Variants in HERC4 observed in about 807,000 individuals in gnomAD.
The protein encoded by HERC4 is HECT and RLD domain containing E3 ubiquitin protein ligase 4, also known as probable E3 ubiquitin-protein ligase HERC4.
In HERC4, 28 loss-of-function variants were observed where a neutral mutation model predicts 124.3. The ratio of observed to expected loss-of-function variants is 0.23; its 90% CI spans 0.17 to 0.31. The LOEUF (loss-of-function observed/expected upper bound fraction) is 0.31, where lower values mean the gene tolerates loss of function less well. Ranked by LOEUF, HERC4 falls within the 10% of genes least tolerant of loss-of-function variation. HERC4 has a pLI of 1.00. For synonymous variants in HERC4, 407 were observed against 421.5 expected (o/e 0.97, Z 0.42); for missense variants, 713 against 1,229.3 (o/e 0.58, Z 6.28).
intron 3 of HERC4, among the ~76,000 whole-genome samples, chr10:68,052,550 C>A (rs193067179): frequency 6.6e-6 from 1 of 152,132 alleles, no homozygotes; most frequent in Non-Finnish European, 1.5e-5. Context: ...AAAAAGAATA[C>A]TGTCTCACAT....
chr10:67,975,441 C>CAA (rs1316902660), intron 15 of HERC4, among the ~76,000 whole-genome samples: 1 of 152,024 alleles, frequency 6.6e-6, no homozygotes, highest in Non-Finnish European at 1.5e-5. Context: ...TTGACACCTC[C>CAA]CAGGTTCAAA....
intron 3 of HERC4, among the ~76,000 whole-genome samples, chr10:68,047,638 G>A (rs188547063): frequency 1.3e-5 from 2 of 152,280 alleles, no homozygotes; most frequent in East Asian, 1.9e-4. Context: ...TAACTTATAT[G>A]TTCAACTTAT....
chr10:68,042,540 T>C (rs2039823811), intron 4 of HERC4, among the ~76,000 whole-genome samples: 1 of 152,132 alleles, frequency 6.6e-6, no homozygotes, highest in African/African-American at 2.4e-5. Flanking sequence ...GGAGGATGGC[T>C]TGAGCCCAGG....
intron 17 of HERC4, 154 bp downstream of exon 17, chr10:67,956,724 A>G (rs2034163669): frequency 2.4e-6 from 1 of 420,946 alleles, no homozygotes; most frequent in African/African-American, 2.0e-5. Flanking sequence ...TGTTCTCATA[A>G]GAATATACAT....
intron 4 of HERC4, chr10:68,039,904 A>G: frequency 6.1e-6 from 6 of 988,506 alleles, no homozygotes; most frequent in Non-Finnish European, 7.3e-6. Flanking sequence ...GAAACATTTC[A>G]AAATACTACA....
intron 8 of HERC4, among the ~76,000 whole-genome samples, chr10:68,020,775 A>G (rs1276910268): frequency 1.3e-5 from 2 of 151,990 alleles, no homozygotes; most frequent in Non-Finnish European, 2.9e-5. Context: ...TCTCAAAAAA[A>G]AAAAAAAAAA....
intron 3 of HERC4, among the ~76,000 whole-genome samples, chr10:68,056,487 C>T (rs2040556034): frequency 6.6e-6 from 1 of 152,184 alleles, no homozygotes; most frequent in South Asian, 2.1e-4. Flanking sequence ...AATGGGAAGA[C>T]AGCGATGCAA....
chr10:68,042,550 G>A (rs1300163094), intron 4 of HERC4, among the ~76,000 whole-genome samples: 1 of 152,192 alleles, frequency 6.6e-6, no homozygotes, highest in Non-Finnish European at 1.5e-5. Context: ...TTGAGCCCAG[G>A]AGGTCGAGGC....
At chr10:68,071,401 A>G (rs1291762086) in intron 3 of HERC4, among the ~76,000 whole-genome samples, 7 of 152,212 alleles carry the variant, frequency 4.6e-5, no homozygotes, top group African/African-American at 1.4e-4. Context: ...GGCAATTTCT[A>G]TGTGCTGGCT....
chr10:68,073,345 T>C (rs905746670), intron 2 of HERC4, among the ~76,000 whole-genome samples, 159 bp from the exon 3 acceptor site: 4 of 152,208 alleles, frequency 2.6e-5, no homozygotes, highest in African/African-American at 9.6e-5. Flanking sequence ...CAATCAGTTG[T>C]ATTTTTTAAA....
At chr10:67,968,235 T>C (rs1280386450) in intron 15 of HERC4, among the ~76,000 whole-genome samples, 1 of 152,144 alleles carries the variant, frequency 6.6e-6, no homozygotes, top group African/African-American at 2.4e-5. Context: ...CCAAAATCTA[T>C]GTGCAAATTC....
chr10:67,947,000 G>A (rs1226203016), intron 19 of HERC4, among the ~76,000 whole-genome samples: 1 of 152,178 alleles, frequency 6.6e-6, no homozygotes, highest in African/African-American at 2.4e-5. Flanking sequence ...TAAAGAGAGA[G>A]AGAGAGACCC....
At chr10:68,017,136 T>C (rs527459234) in intron 8 of HERC4, among the ~76,000 whole-genome samples, 1 of 152,234 alleles carries the variant, frequency 6.6e-6, no homozygotes, top group East Asian at 1.9e-4. Flanking sequence ...AGCAGAAGGC[T>C]TGAAATGGAA....
intron 3 of HERC4, among the ~76,000 whole-genome samples, chr10:68,052,914 A>G (rs1425016329): frequency 6.6e-6 from 1 of 152,220 alleles, no homozygotes; most frequent in African/African-American, 2.4e-5. Context: ...TAAAAGCTAC[A>G]AAGATAGAGA....
intron 15 of HERC4, 48 bp from the exon 16 acceptor site, chr10:67,966,850 C>A: frequency 1.4e-6 from 2 of 1,437,958 alleles, no homozygotes; most frequent in South Asian, 1.4e-5. Context: ...GTACTCAAGA[C>A]AGACAAATTT....
At chr10:68,046,679 AAGATAGTCCAG>A in intron 3 of HERC4, among the ~76,000 whole-genome samples, 1 of 152,348 alleles carries the variant, frequency 6.6e-6, no homozygotes, top group East Asian at 1.9e-4. Flanking sequence ...TAAATCTTAA[AAGATAGTCCAG>A]GCGAGGTAGC....
At chr10:68,003,830 G>A (rs952101829) in intron 9 of HERC4, among the ~76,000 whole-genome samples, 1 of 152,158 alleles carries the variant, frequency 6.6e-6, no homozygotes, top group African/African-American at 2.4e-5. Flanking sequence ...TGAGAGTGCA[G>A]ATACCTCTGT....
At position 68,059,873 on chromosome 10, in the gene HERC4, A is replaced by AATATTATATATCATAATATTATATATT. The variant is rs1564610144; in HGVS notation, c.226+13009_226+13010insAATATATAATATTATGATATATAATAT. Among the ~76,000 whole-genome samples, 5 of 73,494 alleles carry AATATTATATATCATAATATTATATATT rather than the reference A, an allele frequency of 6.8e-5. 1 individual carries two copies. Among genetic ancestry groups the AATATTATATATCATAATATTATATATT allele is most frequent in the African/African-American group, 6.8e-4 (5 of 7,372 alleles). The allele number at this position is 73,494 out of a possible 152,430, so 48.2% of individuals were successfully genotyped here. The stretch of plus-strand genomic sequence containing the variant: ...TATATATCATAATATTATATATTAT[A>AATATTATATATCATAATATTATATATT]ATAATATTATATATCATAATATTAT... On this transcript the variant is annotated intron_variant, in intron 3 of 24. Transcript: ENST00000373700.
chr10:67,940,863 A>G, intron 20 of HERC4, 76 bp downstream of exon 20: 2 of 1,217,106 alleles, frequency 1.6e-6, no homozygotes, highest in Non-Finnish European at 2.3e-6. Context: ...TTTTTCATAG[A>G]AGGAAAGCTT....
Sources: allele counts gnomAD v4.1 joint callset (sites outside exome capture counted in the v4.1 genomes callset), GRCh38; gene constraint gnomAD v4.1.1; transcripts MANE v1.5; gene names NCBI Gene and HGNC (gene_info 2026-07-23, HGNC 2026-07-21).